The following NFATC2 variants were observed in gnomAD, a reference collection of about 807,000 sequenced individuals.
NFATC2 encodes nuclear factor of activated T cells 2.
In NFATC2, 22 loss-of-function variants were observed where a neutral mutation model predicts 87.3. The ratio of observed to expected loss-of-function variants is 0.25; its 90% confidence interval spans 0.18 to 0.36. The LOEUF (loss-of-function observed/expected upper bound fraction) is 0.36, where lower values mean the gene tolerates loss of function less well. NFATC2 is among the 10% of genes least tolerant of loss of function. The pLI is 1.00. For missense variants in NFATC2, 1,149 were observed against 1,259.1 expected (o/e 0.91, Z 1.32); for synonymous variants, 565 against 542.2 (o/e 1.04, Z -0.58).
chr20:51,483,955 TG>T (rs1381562967), intron 3 of NFATC2, among the ~76,000 whole-genome samples: 3 of 151,444 alleles, frequency 2.0e-5, no homozygotes, highest in Non-Finnish European at 4.4e-5. Context: ...ATCCTTAAAA[TG>T]GTAAGTTAGA....
chr20:51,495,437 A>G (rs2075972793), intron 3 of NFATC2, among the ~76,000 whole-genome samples: 2 of 152,162 alleles, frequency 1.3e-5, no homozygotes, highest in African/African-American at 4.8e-5. Context: ...ATTCACCTCA[A>G]AGAGAACACA....
upstream of NFATC2, among the ~76,000 whole-genome samples, chr20:51,544,809 C>T (rs2076876017): frequency 6.6e-6 from 1 of 152,188 alleles, no homozygotes; most frequent in South Asian, 2.1e-4. Context: ...CCAGATGCTT[C>T]CAATGTGTGG....
At chr20:51,495,651 A>T (rs1392533017) in intron 3 of NFATC2, among the ~76,000 whole-genome samples, 1 of 152,234 alleles carries the variant, frequency 6.6e-6, no homozygotes, top group African/African-American at 2.4e-5. Flanking sequence ...GTTTGCCGGG[A>T]CCAAGGAAAA....
chr20:51,438,381 T>G (rs1254943303), intron 6 of NFATC2, among the ~76,000 whole-genome samples: 1 of 150,578 alleles, frequency 6.6e-6, no homozygotes, highest in African/African-American at 2.5e-5. Context: ...TTGCCTGAAT[T>G]GAATTCTTGA....
chr20:51,470,225 T>G (rs1988076384), intron 5 of NFATC2, among the ~76,000 whole-genome samples: 1 of 150,634 alleles, frequency 6.6e-6, no homozygotes, highest in Admixed American at 6.6e-5. Context: ...TGGGAAGGGG[T>G]GGGGGCAGCA....
Position 51,389,837 on chromosome 20 carries a change from T to G in NFATC2, c.*1659A>C, listed in dbSNP as rs547699005. 3 of 152,296 alleles carry G rather than the reference T, an allele frequency of 2.0e-5. No individual in the cohort carries two copies. The highest frequency in any genetic ancestry group is 2.0e-4 in the Admixed American group (3 of 15,308). The allele number at this position is 152,296 out of a possible 1,614,324, so 9.4% of individuals were successfully genotyped here. ...CAGTGGGCACTGAGTGGCCATGACT[T>G]TCTTCTGAGGCCTTCTGCCTACAGA... On this transcript the variant is annotated 3_prime_UTR_variant, in exon 11 of 11. Coordinates refer to ENST00000371564, the MANE Select transcript of NFATC2 (RefSeq NM_012340.5).
At chr20:51,448,363 C>T (rs754465003) in intron 6 of NFATC2, among the ~76,000 whole-genome samples, 5 of 152,216 alleles carry the variant, frequency 3.3e-5, no homozygotes, top group Non-Finnish European at 7.4e-5. Context: ...TGGAGGAGGC[C>T]GGACGCAGTG....
At chr20:51,449,574 C>G (rs919609582) in intron 6 of NFATC2, among the ~76,000 whole-genome samples, 3 of 152,154 alleles carry the variant, frequency 2.0e-5, no homozygotes, top group Non-Finnish European at 4.4e-5. Context: ...GGATCTCTAT[C>G]GCCACAAAAT....
chr20:51,473,969 G>C lies in NFATC2; in HGVS notation c.1708+11C>G. The C allele has an allele frequency of 6.2e-7, 1 of 1,610,580 alleles. No homozygotes were observed. The highest frequency in any genetic ancestry group is 8.5e-7 in the Non-Finnish European group (1 of 1,177,238). ...TTCTGAAGAAAGACCGGGCCCCAGG[G>C]CCCAACTTACAGCACTCGATGGGGT... On this transcript the variant is annotated intron_variant, in intron 5 of 10. Coordinates refer to ENST00000371564, the MANE Select transcript of NFATC2 (RefSeq NM_012340.5).
chr20:51,443,871 T>C (rs572853060), intron 6 of NFATC2, among the ~76,000 whole-genome samples: 1 of 151,996 alleles, frequency 6.6e-6, no homozygotes, highest in East Asian at 1.9e-4. Context: ...AGCCAACCAC[T>C]TTGGGCAAAA....
At chr20:51,557,568 G>C (rs540310441) in intron 1 of NFATC2, among the ~76,000 whole-genome samples, 2 of 152,308 alleles carry the variant, frequency 1.3e-5, no homozygotes, top group South Asian at 4.1e-4. Flanking sequence ...GTATCTGTTG[G>C]ATGGCCCAGG....
intron 3 of NFATC2, among the ~76,000 whole-genome samples, chr20:51,509,020 C>A (rs2076231068): frequency 1.3e-5 from 2 of 152,152 alleles, no homozygotes; most frequent in South Asian, 4.1e-4. Flanking sequence ...CCACGATCCG[C>A]CCCCCTATCC....
intron 3 of NFATC2, among the ~76,000 whole-genome samples, chr20:51,489,610 C>T (rs768567161): frequency 1.3e-5 from 2 of 152,172 alleles, no homozygotes; most frequent in Admixed American, 6.5e-5. Flanking sequence ...CATGTCTAGG[C>T]GGCTTCTGGT....
intron 5 of NFATC2, among the ~76,000 whole-genome samples, chr20:51,472,932 C>T (rs1410377539): frequency 6.6e-6 from 1 of 152,170 alleles, no homozygotes; most frequent in Admixed American, 6.5e-5. Flanking sequence ...CTTCTTCATG[C>T]TTTCTAAAAT....
At chr20:51,463,343 G>A (rs1987345000) in intron 5 of NFATC2, among the ~76,000 whole-genome samples, 1 of 152,230 alleles carries the variant, frequency 6.6e-6, no homozygotes, top group Admixed American at 6.5e-5. Context: ...GAGACACACA[G>A]TGAGTGACAA....
intron 3 of NFATC2, among the ~76,000 whole-genome samples, chr20:51,479,804 C>T (rs1216037422): frequency 1.3e-5 from 2 of 152,178 alleles, no homozygotes; most frequent in African/African-American, 4.8e-5. Flanking sequence ...TCCCAGTCAA[C>T]ACAGTGAGCA....
upstream of NFATC2, among the ~76,000 whole-genome samples, chr20:51,544,375 T>G (rs1218684543): frequency 6.6e-6 from 1 of 152,160 alleles, no homozygotes; most frequent in Non-Finnish European, 1.5e-5. Flanking sequence ...AAGATCCTCG[T>G]GAGAACCACA....
At chr20:51,493,523 T>C (rs2146595041) in intron 3 of NFATC2, among the ~76,000 whole-genome samples, 1 of 152,270 alleles carries the variant, frequency 6.6e-6, no homozygotes, top group South Asian at 2.1e-4. Context: ...GAATCTACGA[T>C]AAAAGAAAGC....
intron 5 of NFATC2, among the ~76,000 whole-genome samples, chr20:51,467,499 G>C (rs1987805931): frequency 6.6e-6 from 1 of 152,190 alleles, no homozygotes; most frequent in Non-Finnish European, 1.5e-5. Flanking sequence ...AGAGGTTGCA[G>C]TGAGCCGAGA....
Sources: allele counts gnomAD v4.1 joint callset (sites outside exome capture counted in the v4.1 genomes callset), GRCh38; gene constraint gnomAD v4.1.1; transcripts MANE v1.5; gene names NCBI Gene and HGNC (gene_info 2026-07-23, HGNC 2026-07-21).